The following MAPK8 variants were observed in gnomAD, a reference collection of about 807,000 sequenced individuals.
The protein encoded by MAPK8 is JUN N-terminal kinase.
In MAPK8, 13 loss-of-function variants were observed where a neutral mutation model predicts 52.9. The ratio of observed to expected loss-of-function variants is 0.25; its 90% CI spans 0.16 to 0.39. The LOEUF is 0.39. Among genes scored for constraint, MAPK8 ranks in the 10% least tolerant of loss-of-function variants. MAPK8 has a pLI of 1.00. For synonymous variants in MAPK8, 191 were observed against 169.8 expected, an observed-to-expected ratio of 1.12 and a Z score of -0.97; for missense variants, 300 against 519.2, an observed-to-expected ratio of 0.58 and a Z score of 4.10.
intron 1 of MAPK8, among the ~76,000 whole-genome samples, chr10:48,375,412 A>G (rs539194469): frequency 1.1e-3 from 168 of 152,330 alleles, no homozygotes; most frequent in African/African-American, 3.8e-3. Flanking sequence ...AGAGAAAGAA[A>G]TAAAGGGTAT....
At position 48,353,773 on chromosome 10, in the gene MAPK8, C is replaced by T. The variant is rs533643500; in HGVS notation, c.-50+46952C>T. Among the ~76,000 whole-genome samples the T allele has an allele frequency of 3.9e-5, 6 of 152,250 alleles. No homozygotes were observed. The South Asian group carries it at 1.0e-3, about 26-fold the overall frequency. On this transcript the variant is annotated intron_variant, in intron 1 of 11. Coordinates refer to ENST00000374189, the MANE Select transcript of MAPK8 (RefSeq NM_001323329.2). ...GTGAAGAAAAGTCAGCTCGAAAAGTCACATATGTATGACTGCATTTATAGA... is the reference window on the plus strand; with the variant it reads ...GTGAAGAAAAGTCAGCTCGAAAAGTTACATATGTATGACTGCATTTATAGA...
At chr10:48,342,949 G>A (rs1227923748) in intron 1 of MAPK8, among the ~76,000 whole-genome samples, 1 of 152,180 alleles carries the variant, frequency 6.6e-6, no homozygotes, top group Non-Finnish European at 1.5e-5. Flanking sequence ...TATAGAAAGA[G>A]AAGAGCAGTC....
chr10:48,335,105 C>G (rs1844562282), intron 1 of MAPK8, among the ~76,000 whole-genome samples: 1 of 152,146 alleles, frequency 6.6e-6, no homozygotes, highest in African/African-American at 2.4e-5. Flanking sequence ...TGTGGTTTGT[C>G]ACATCTGCAG....
rs115886844 is a variant in MAPK8 at position 48,329,943 on chromosome 10, T to C, written c.-50+23122T>C. Among the ~76,000 whole-genome samples, 1,261 of 152,292 alleles carry C rather than the reference T, an allele frequency of 8.3e-3. 19 individuals are homozygous for C. The highest frequency in any genetic ancestry group is 0.029 in the African/African-American group (1,204 of 41,554). On this transcript the variant is annotated intron_variant, in intron 1 of 11. Transcript: ENST00000374189. ...AGCAACAGGAAGCATTTAAAAAAATTTTTTTTAAACTAACGGCAAATATAA... is the reference window on the plus strand; with the variant it reads ...AGCAACAGGAAGCATTTAAAAAAATCTTTTTTAAACTAACGGCAAATATAA...
chr10:48,377,767 GAAAT>G (rs1450085986), intron 1 of MAPK8, among the ~76,000 whole-genome samples: 3 of 152,070 alleles, frequency 2.0e-5, no homozygotes, highest in Non-Finnish European at 2.9e-5. Context: ...TATTATATGA[GAAAT>G]AAATAAACTA....
intron 1 of MAPK8, among the ~76,000 whole-genome samples, chr10:48,308,644 A>T (rs1310959578): frequency 6.6e-6 from 1 of 152,198 alleles, no homozygotes; most frequent in African/African-American, 2.4e-5. Context: ...CTGGTATTTC[A>T]GTAGGGGTCT....
At chr10:48,341,211 G>A (rs867631) in intron 1 of MAPK8, among the ~76,000 whole-genome samples, 82,103 of 152,046 alleles carry the variant, frequency 0.54, 22,378 homozygotes, top group Middle Eastern at 0.73. Flanking sequence ...ACAGTGAAAT[G>A]TTTTTTCCTT....
intron 1 of MAPK8, among the ~76,000 whole-genome samples, chr10:48,363,962 GTTATT>G (rs759302642): frequency 3.3e-5 from 5 of 152,124 alleles, no homozygotes; most frequent in Non-Finnish European, 5.9e-5. Flanking sequence ...TTGCTTTTAA[GTTATT>G]TTAGACTTTA....
intron 1 of MAPK8, among the ~76,000 whole-genome samples, chr10:48,401,216 T>C (rs2042142331): frequency 6.6e-6 from 1 of 152,254 alleles, no homozygotes; most frequent in African/African-American, 2.4e-5. Flanking sequence ...TTTATAAATT[T>C]CTTACAAAAA....
Position 48,404,836 on chromosome 10 carries a change from G to T in MAPK8, c.123-16G>T. ...GCTTGAAGTTTTTTTGTGTGTTTTT[G>T]AATTTCTTATTACAGCGCAGCTTAT... On this transcript the variant is annotated splice_polypyrimidine_tract_variant and intron_variant, in intron 2 of 11. Transcript: ENST00000374189. 1.3e-6 allele frequency: 2 copies of T among 1,578,050 alleles called. No individual in the cohort carries two copies. The highest frequency in any genetic ancestry group is 1.7e-6 in the Non-Finnish European group (2 of 1,164,296).
chr10:48,421,832 T>G (rs952791496), intron 6 of MAPK8, among the ~76,000 whole-genome samples: 2 of 151,964 alleles, frequency 1.3e-5, no homozygotes, highest in Admixed American at 6.6e-5. Context: ...AAAAATGAAC[T>G]GACATATGGT....
At chr10:48,345,904 G>A (rs983046995) in intron 1 of MAPK8, among the ~76,000 whole-genome samples, 1 of 152,156 alleles carries the variant, frequency 6.6e-6, no homozygotes, top group African/African-American at 2.4e-5. Context: ...AACCACTTCA[G>A]CCAAAGAACA....
At chr10:48,380,936 C>T (rs1023183743) in intron 1 of MAPK8, among the ~76,000 whole-genome samples, 2 of 152,084 alleles carry the variant, frequency 1.3e-5, no homozygotes, top group Admixed American at 1.3e-4. Context: ...GAGACTGTAT[C>T]AAAGAGTAAG....
intron 1 of MAPK8, among the ~76,000 whole-genome samples, chr10:48,378,730 TAC>T (rs1194192030): frequency 6.6e-6 from 1 of 151,684 alleles, no homozygotes; most frequent in Admixed American, 6.6e-5. Context: ...TTTTTTAAAA[TAC>T]ATAATTATAT....
At chr10:48,427,018 A>T in intron 9 of MAPK8, 62 bp from the exon 10 acceptor site, 1 of 1,214,842 alleles carries the variant, frequency 8.2e-7, no homozygotes, top group Non-Finnish European at 1.2e-6. Context: ...TATTTCAAAT[A>T]ACTACAGAGT....
At chr10:48,355,376 G>A (rs1351925266) in intron 1 of MAPK8, among the ~76,000 whole-genome samples, 1 of 151,752 alleles carries the variant, frequency 6.6e-6, no homozygotes, top group Non-Finnish European at 1.5e-5. Context: ...GGGTGTAGTG[G>A]CGGGTGCCTG....
At chr10:48,419,933 AT>A (rs2043261691) in intron 5 of MAPK8, among the ~76,000 whole-genome samples, 1 of 152,210 alleles carries the variant, frequency 6.6e-6, no homozygotes, top group South Asian at 2.1e-4. Context: ...CAATTAAAAC[AT>A]TACTAACTTC....
chr10:48,352,360 T>A (rs992373180), intron 1 of MAPK8, among the ~76,000 whole-genome samples: 3 of 150,990 alleles, frequency 2.0e-5, no homozygotes, highest in Non-Finnish European at 1.5e-5. Context: ...TAAGTATAGA[T>A]GTAGATAATC....
chr10:48,348,823 T>C (rs572700950), intron 1 of MAPK8, among the ~76,000 whole-genome samples: 102 of 152,206 alleles, frequency 6.7e-4, no homozygotes, highest in African/African-American at 2.3e-3. Context: ...GGTAGTGTGA[T>C]GCCTCGAGCT....
Sources: gnomAD v4.1 joint callset for allele counts (sites outside exome capture counted in the v4.1 genomes callset) on GRCh38, gnomAD v4.1.1 for gene constraint, MANE v1.5 for transcripts, NCBI Gene and HGNC (gene_info 2026-07-23, HGNC 2026-07-21) for gene names.